DENND4C: variants seen among roughly 807,000 people sequenced by gnomAD.
DENND4C encodes DENN domain containing 4C.
In DENND4C, 108 loss-of-function variants were observed where a neutral mutation model predicts 203.0. The observed-to-expected ratio is 0.53, with a 90% CI of 0.46 to 0.62. DENND4C has a LOEUF of 0.62. Among genes scored for constraint, DENND4C ranks in the 20% least tolerant of loss-of-function variants. The pLI is 0.00. For missense variants in DENND4C, 2,481 were observed against 2,301.2 expected, an observed-to-expected ratio of 1.08 and a Z score of -1.60; for synonymous variants, 871 against 792.4, an observed-to-expected ratio of 1.10 and a Z score of -1.67.
At chr9:19,356,187 T>C (rs1310731509) in intron 26 of DENND4C, among the ~76,000 whole-genome samples, 1 of 152,122 alleles carries the variant, frequency 6.6e-6, no homozygotes, top group Non-Finnish European at 1.5e-5. Context: ...CACCAATCTA[T>C]CTTAAATTTT....
At chr9:19,325,749 T>C (rs545500849) in intron 13 of DENND4C, among the ~76,000 whole-genome samples, 190 bp from the exon 14 acceptor site, 1 of 152,278 alleles carries the variant, frequency 6.6e-6, no homozygotes, top group Non-Finnish European at 1.5e-5. Context: ...TTTTCTATCC[T>C]AATAGCCACA....
At chr9:19,239,541 TA>T (rs1169771407) in intron 1 of DENND4C, among the ~76,000 whole-genome samples, 1 of 152,018 alleles carries the variant, frequency 6.6e-6, no homozygotes, top group Non-Finnish European at 1.5e-5. Context: ...CCATCTCTAC[TA>T]AAAATACAAA....
intron 2 of DENND4C, among the ~76,000 whole-genome samples, chr9:19,281,917 C>A (rs1834127401): frequency 6.6e-6 from 1 of 152,116 alleles, no homozygotes; most frequent in South Asian, 2.1e-4. Flanking sequence ...AAAAATCTGG[C>A]ATAAAAAATA....
At chr9:19,298,163 G>T (rs1837836431) in intron 7 of DENND4C, 41 bp downstream of exon 7, 1 of 1,534,710 alleles carries the variant, frequency 6.5e-7, no homozygotes, top group Non-Finnish European at 9.0e-7. Flanking sequence ...CTTTGCATAT[G>T]CTCACCTGAG....
chr9:19,312,897 C>G (rs1003200385), intron 10 of DENND4C, among the ~76,000 whole-genome samples: 2 of 152,034 alleles, frequency 1.3e-5, no homozygotes, highest in African/African-American at 4.8e-5. Flanking sequence ...ATATCTTTTC[C>G]CATCCCTTTA....
chr9:19,309,592 A>G (rs1588890718), intron 10 of DENND4C, among the ~76,000 whole-genome samples: 2 of 152,238 alleles, frequency 1.3e-5, no homozygotes, highest in Admixed American at 6.5e-5. Context: ...GGCAATGTCC[A>G]TGGTGAATCC....
At chr9:19,279,037 C>G (rs529456778) in intron 2 of DENND4C, among the ~76,000 whole-genome samples, 1 of 151,980 alleles carries the variant, frequency 6.6e-6, no homozygotes, top group African/African-American at 2.4e-5. Context: ...TATTCTGGTC[C>G]AGTGTGGTGG....
intron 4 of DENND4C, 147 bp downstream of exon 4, chr9:19,288,812 ATG>A (rs1835713545): frequency 9.4e-6 from 4 of 426,274 alleles, no homozygotes; most frequent in Non-Finnish European, 1.6e-5. Context: ...ATATAAAGAT[ATG>A]TGTTTTCTTA....
chr9:19,297,471 A>G lies in DENND4C; in HGVS notation c.1041-585A>G, dbSNP rs371021653. Among the ~76,000 whole-genome samples, 16 of 152,334 alleles carry G rather than the reference A, an allele frequency of 1.1e-4. 1 individual carries two copies. In the East Asian group the frequency reaches 2.1e-3, roughly 20 times the overall value. ...AAAGTTTATTGAAGTAAAATGTAAC[A>G]TTAGTGTCAAGTTAGCAACCTTTTG... is the stretch of plus-strand genomic sequence containing the variant. On this transcript the variant is annotated intron_variant, in intron 6 of 32. Transcript: ENST00000434457.
intron 17 of DENND4C, 82 bp from the exon 18 acceptor site, chr9:19,334,895 T>C: frequency 7.6e-7 from 1 of 1,315,792 alleles, no homozygotes; most frequent in Non-Finnish European, 1.0e-6. Context: ...AATAACTTCA[T>C]GGAAAGAATT....
intron 30 of DENND4C, among the ~76,000 whole-genome samples, chr9:19,369,097 C>T (rs1199965069): frequency 6.6e-6 from 1 of 152,094 alleles, no homozygotes; most frequent in Non-Finnish European, 1.5e-5. Context: ...TTACAATGAT[C>T]AGCCACTGCA....
intron 22 of DENND4C, 140 bp downstream of exon 22, chr9:19,342,919 C>T (rs74431150): frequency 7.9e-5 from 50 of 629,344 alleles, no homozygotes; most frequent in East Asian, 1.3e-4. Context: ...TTCTCTAAAT[C>T]GGCTAAAGAA....
intron 25 of DENND4C, 24 bp from the exon 26 acceptor site, chr9:19,352,466 G>T (rs368078790): frequency 6.4e-5 from 99 of 1,540,892 alleles, no homozygotes; most frequent in Non-Finnish European, 8.5e-5. Context: ...AACGTTCTCA[G>T]TGTCTGCATT....
intron 1 of DENND4C, among the ~76,000 whole-genome samples, chr9:19,249,158 A>G (rs1232618839): frequency 6.6e-6 from 1 of 152,134 alleles, no homozygotes; most frequent in Non-Finnish European, 1.5e-5. Flanking sequence ...TAAGCTCCAT[A>G]AAGACAAGTA....
In DENND4C at chr9:19,356,945, T is replaced by C. The variant is rs76187434; in HGVS notation, c.4782-27T>C. On this transcript the variant is annotated intron_variant, in intron 26 of 32. Transcript: ENST00000434457. ...AGAAAACTTGAGGATTTTTAAAGGC[T>C]CTTTTTCCCCCCTTTTCCTTATGTA... 2.1e-4 allele frequency: 335 copies of C among 1,600,512 alleles called. 2 individuals are homozygous for C. In the East Asian group the frequency reaches 5.6e-3, roughly 27 times the overall value.
At chr9:19,301,215 G>C (rs1314097525) in intron 9 of DENND4C, among the ~76,000 whole-genome samples, 1 of 151,572 alleles carries the variant, frequency 6.6e-6, no homozygotes, top group Non-Finnish European at 1.5e-5. Flanking sequence ...AAGTCTGATT[G>C]TATAGGGCTT....
chr9:19,274,006 A>C lies in DENND4C; in HGVS notation c.-17-2152A>C, dbSNP rs187202357. Among the ~76,000 whole-genome samples, 45 of 152,186 alleles carry C rather than the reference A, an allele frequency of 3.0e-4. 1 individual carries two copies. The highest frequency in any genetic ancestry group is 1.1e-3 in the African/African-American group (45 of 41,428). On this transcript the variant is annotated intron_variant, in intron 1 of 32. Transcript: ENST00000434457. Reference sequence around the variant, plus strand: ...TAGTTTCACACGGGAAATAACCTAAATGTCCATTAATATAGGTGAATGGAT... The same window carrying C: ...TAGTTTCACACGGGAAATAACCTAACTGTCCATTAATATAGGTGAATGGAT...
chr9:19,355,133 A>C (rs1044758364), intron 26 of DENND4C, among the ~76,000 whole-genome samples: 1 of 148,548 alleles, frequency 6.7e-6, no homozygotes, highest in African/African-American at 2.5e-5. Context: ...GATGGTCTCG[A>C]TCTCATGACC....
chr9:19,362,033 G>A (rs954442818), intron 30 of DENND4C, 70 bp downstream of exon 30: 1 of 954,756 alleles, frequency 1.0e-6, no homozygotes, highest in Non-Finnish European at 1.6e-6. Flanking sequence ...CAGCACTTTG[G>A]GAGGCCTAGG....
Sources: allele counts gnomAD v4.1 joint callset (sites outside exome capture counted in the v4.1 genomes callset), GRCh38; gene constraint gnomAD v4.1.1; transcripts MANE v1.5; gene names NCBI Gene and HGNC (gene_info 2026-07-23, HGNC 2026-07-21).